Variants in WWOX observed in about 807,000 individuals in gnomAD.
WWOX encodes the protein WW domain-containing oxidoreductase.
In WWOX, 69 loss-of-function variants were observed where a neutral mutation model predicts 46.2. That is an observed-to-expected ratio of 1.49 (90% CI 1.23 to 1.82). The LOEUF is 1.82. Among genes scored for constraint, WWOX ranks in the 40% most tolerant of loss-of-function variants. The pLI is 0.00. For synonymous variants in WWOX, 359 were observed against 202.6 expected, an observed-to-expected ratio of 1.77 and a Z score of -6.56; for missense variants, 919 against 542.6, an observed-to-expected ratio of 1.69 and a Z score of -6.89.
intron 8 of WWOX, among the ~76,000 whole-genome samples, chr16:78,792,620 C>G (rs557233457): frequency 6.6e-6 from 1 of 152,112 alleles, no homozygotes; most frequent in Non-Finnish European, 1.5e-5. Context: ...CTCTGTCGCC[C>G]AAACAGAATT....
intron 8 of WWOX, among the ~76,000 whole-genome samples, chr16:78,592,143 T>G (rs2045367009): frequency 6.6e-6 from 1 of 152,184 alleles, no homozygotes. Flanking sequence ...TATGTGAAAA[T>G]AAAGAACAGC....
At chr16:78,516,229 C>G (rs1046464256) in intron 8 of WWOX, among the ~76,000 whole-genome samples, 1 of 152,164 alleles carries the variant, frequency 6.6e-6, no homozygotes, top group African/African-American at 2.4e-5. Flanking sequence ...CTCTTCCATC[C>G]TTAAACAGAC....
intron 8 of WWOX, among the ~76,000 whole-genome samples, chr16:78,935,665 T>C (rs148125542): frequency 6.6e-6 from 1 of 150,702 alleles, no homozygotes; most frequent in South Asian, 2.1e-4. Flanking sequence ...AAATGACGAG[T>C]TAATGGGTGC....
intron 8 of WWOX, among the ~76,000 whole-genome samples, chr16:78,715,400 CA>C (rs2048537709): frequency 6.6e-6 from 1 of 152,244 alleles, no homozygotes; most frequent in South Asian, 2.1e-4. Context: ...CGTAGATGGC[CA>C]CCACAGGTTC....
At chr16:78,619,234 T>C (rs2046116290) in intron 8 of WWOX, among the ~76,000 whole-genome samples, 1 of 103,078 alleles carries the variant, frequency 9.7e-6, no homozygotes, top group Non-Finnish European at 1.9e-5. Flanking sequence ...CATGGGGGCC[T>C]GCCCTTGTAG....
At chr16:78,761,800 A>G (rs148415081) in intron 8 of WWOX, among the ~76,000 whole-genome samples, 26 of 152,146 alleles carry the variant, frequency 1.7e-4, no homozygotes, top group African/African-American at 6.0e-4. Flanking sequence ...ATAATTGTCA[A>G]CACACTTAGG....
chr16:78,605,690 T>C (rs1248323833), intron 8 of WWOX, among the ~76,000 whole-genome samples: 1 of 152,208 alleles, frequency 6.6e-6, no homozygotes, highest in Non-Finnish European at 1.5e-5. Flanking sequence ...GGAGGCATAG[T>C]TCTTTGTCAT....
At chr16:78,240,123 C>G (rs1567450524) in intron 5 of WWOX, among the ~76,000 whole-genome samples, 2 of 152,034 alleles carry the variant, frequency 1.3e-5, no homozygotes, top group Non-Finnish European at 1.5e-5. Flanking sequence ...CTAAGAATCT[C>G]AAGGTTAAAT....
intron 8 of WWOX, among the ~76,000 whole-genome samples, chr16:79,029,831 A>G (rs796500455): frequency 7.9e-5 from 12 of 152,322 alleles, no homozygotes; most frequent in African/African-American, 2.6e-4. Context: ...AGATTCATCA[A>G]ACATTGTTTA....
intron 8 of WWOX, among the ~76,000 whole-genome samples, chr16:79,171,342 C>CT (rs1231761139): frequency 2.0e-5 from 3 of 152,178 alleles, no homozygotes; most frequent in African/African-American, 7.2e-5. Flanking sequence ...TAGTGTAGCA[C>CT]TATAGTTGTT....
chr16:78,351,949 G>C (rs564671136), intron 5 of WWOX, among the ~76,000 whole-genome samples: 22 of 152,266 alleles, frequency 1.4e-4, no homozygotes, highest in African/African-American at 4.8e-4. Context: ...GAGCCACCAC[G>C]CCCAGCAGTA....
chr16:79,151,346 GTGT>G lies in WWOX; in HGVS notation c.1057-60258_1057-60256del, dbSNP rs537860156. Among the ~76,000 whole-genome samples the G allele has an allele frequency of 2.0e-5, 3 of 152,286 alleles. No homozygotes were observed. In the East Asian group the frequency reaches 5.8e-4, roughly 29 times the overall value. ...GTCACTAACAAAACGTCTCCAGCAG[GTGT>G]TGTGTGGATTCCCCCAAATCCGTAG... On this transcript the variant is annotated intron_variant, in intron 8 of 8. Coordinates refer to ENST00000566780, the MANE Select transcript of WWOX (RefSeq NM_016373.4).
At chr16:78,569,802 C>T (rs1427452248) in intron 8 of WWOX, among the ~76,000 whole-genome samples, 1 of 152,146 alleles carries the variant, frequency 6.6e-6, no homozygotes, top group Admixed American at 6.5e-5. Flanking sequence ...AAAGAGAGGG[C>T]ATATCTTTGG....
At chr16:79,041,164 C>T (rs1235093070) in intron 8 of WWOX, among the ~76,000 whole-genome samples, 2 of 151,992 alleles carry the variant, frequency 1.3e-5, no homozygotes, top group Admixed American at 1.3e-4. Flanking sequence ...AGATATTGAC[C>T]CCATGGTCTT....
chr16:78,726,740 A>C, intron 8 of WWOX, among the ~76,000 whole-genome samples: 1 of 149,768 alleles, frequency 6.7e-6, no homozygotes, highest in South Asian at 2.1e-4. Flanking sequence ...TTTTTTTGCC[A>C]GGGGATGCTG....
intron 5 of WWOX, among the ~76,000 whole-genome samples, chr16:78,200,567 C>G (rs1401841529): frequency 6.6e-6 from 1 of 150,914 alleles, no homozygotes; most frequent in African/African-American, 2.4e-5. Flanking sequence ...ATCATTATTA[C>G]TGTGCTTTCC....
chr16:78,141,730 A>G (rs2033994818), intron 4 of WWOX, among the ~76,000 whole-genome samples: 1 of 152,060 alleles, frequency 6.6e-6, no homozygotes, highest in Non-Finnish European at 1.5e-5. Flanking sequence ...GCATAGAAAT[A>G]TTTGTTACTT....
chr16:78,508,600 T>G (rs2085276515), intron 8 of WWOX, among the ~76,000 whole-genome samples: 1 of 152,170 alleles, frequency 6.6e-6, no homozygotes, highest in South Asian at 2.1e-4. Flanking sequence ...CCTGAGAAAT[T>G]ACAGCAAATG....
chr16:78,285,445 AC>A lies in WWOX; in HGVS notation c.517-101414del, dbSNP rs199964331. On this transcript the variant is annotated intron_variant, in intron 5 of 8. Transcript: ENST00000566780. ...GAGACCCTGTCTCTGAAAAATAAAA[AC>A]TAAAAAAAAAATTAAGTTAGAAGGG... Among the ~76,000 whole-genome samples, 400 of 140,458 alleles carry A rather than the reference AC, an allele frequency of 2.8e-3. 2 individuals carry two copies. Among genetic ancestry groups the A allele is most frequent in the African/African-American group, 9.9e-3 (345 of 34,782 alleles). The allele number at this position is 140,458 out of a possible 152,430, so 92.1% of individuals were successfully genotyped here.
Sources: gnomAD v4.1 joint callset for allele counts (sites outside exome capture counted in the v4.1 genomes callset) on GRCh38, gnomAD v4.1.1 for gene constraint, MANE v1.5 for transcripts, NCBI Gene and HGNC (gene_info 2026-07-23, HGNC 2026-07-21) for gene names.